FRMPD4: variants seen among roughly 807,000 people sequenced by gnomAD.
The protein encoded by FRMPD4 is FERM and PDZ domain containing 4.
A neutral mutation model predicts 94.1 loss-of-function variants in FRMPD4; 22 were observed. That is an observed-to-expected ratio of 0.23 (90% CI 0.17 to 0.33). The LOEUF (loss-of-function observed/expected upper bound fraction) is 0.33, where lower values mean the gene tolerates loss of function less well. Among genes scored for constraint, FRMPD4 ranks in the 10% least tolerant of loss-of-function variants. The pLI is 1.00. For missense variants in FRMPD4, 1,111 were observed against 1,339.9 expected (o/e 0.83, Z 2.67); for synonymous variants, 631 against 548.6 (o/e 1.15, Z -2.10).
chrX:12,276,373 CATCA>C (rs1297538869), intron 1 of FRMPD4, among the ~76,000 whole-genome samples: 1 of 112,164 alleles, frequency 8.9e-6, no homozygotes, highest in African/African-American at 3.2e-5. Flanking sequence ...AAACATAAGG[CATCA>C]ATCAATACAT....
intron 1 of FRMPD4, among the ~76,000 whole-genome samples, chrX:12,148,874 G>A (rs2055807760): frequency 8.9e-6 from 1 of 112,063 alleles, no homozygotes; most frequent in Non-Finnish European, 1.9e-5. Flanking sequence ...ACAAAGCCTG[G>A]ATGACAGTAC....
chrX:11,899,044 G>C (rs190467150), intron 3 of FRMPD4, among the ~76,000 whole-genome samples: 3 of 112,494 alleles, frequency 2.7e-5, no homozygotes, highest in Non-Finnish European at 3.8e-5. Flanking sequence ...TAAAAACTAC[G>C]AAATGGCTTT....
intron 14 of FRMPD4, among the ~76,000 whole-genome samples, chrX:12,714,665 C>G (rs1444980428): frequency 9.0e-6 from 1 of 111,283 alleles, no homozygotes; most frequent in East Asian, 2.8e-4. Context: ...CTGGGCCTCC[C>G]TTTACAGAAA....
intron 1 of FRMPD4, among the ~76,000 whole-genome samples, chrX:11,861,548 T>C (rs763006471): frequency 8.9e-6 from 1 of 112,104 alleles, no homozygotes; most frequent in Admixed American, 9.4e-5. Flanking sequence ...CACTAATTTA[T>C]CCATTTGCCT....
intron 2 of FRMPD4, among the ~76,000 whole-genome samples, chrX:12,509,083 T>C (rs1486699694): frequency 2.0e-5 from 2 of 99,097 alleles, no homozygotes; most frequent in Non-Finnish European, 4.1e-5. Context: ...AACCAAAAAA[T>C]AGTAGATATT....
intron 3 of FRMPD4, among the ~76,000 whole-genome samples, chrX:11,903,614 A>C (rs1371254531): frequency 8.9e-6 from 1 of 112,527 alleles, no homozygotes; most frequent in Non-Finnish European, 1.9e-5. Flanking sequence ...TCAGAAACCC[A>C]ATATTCGAAT....
Position 12,614,703 on chromosome X carries a change from A to G in FRMPD4, c.320-76A>G. The G allele has an allele frequency of 5.5e-6, 3 of 550,135 alleles. No homozygotes were observed. The South Asian group carries it at 8.8e-5, about 16-fold the overall frequency. The allele number at this position is 550,135 out of a possible 1,213,427, so 45.3% of individuals were successfully genotyped here. The stretch of plus-strand genomic sequence containing the variant: ...TGATAGCACCATTTGCTCACAGTGA[A>G]TCATGATCAGGAGAGGAGGCTTGGG... On this transcript the variant is annotated intron_variant, in intron 3 of 16. Transcript: ENST00000675598.
chrX:12,048,727 A>G (rs1384687700), intron 3 of FRMPD4, among the ~76,000 whole-genome samples: 4 of 111,694 alleles, frequency 3.6e-5, no homozygotes, highest in Non-Finnish European at 7.5e-5. Context: ...TGCCAGCACT[A>G]TTTACTGAAT....
intron 4 of FRMPD4, among the ~76,000 whole-genome samples, chrX:12,624,854 T>C (rs752421333): frequency 1.8e-5 from 2 of 110,876 alleles, no homozygotes; most frequent in African/African-American, 6.6e-5. Flanking sequence ...AGACAACTCA[T>C]AGGATGGGAG....
intron 1 of FRMPD4, among the ~76,000 whole-genome samples, chrX:12,172,228 C>T (rs1433023092): frequency 9.3e-6 from 1 of 107,265 alleles, no homozygotes; most frequent in Non-Finnish European, 1.9e-5. Flanking sequence ...AGCCTGAAGC[C>T]ATGATTTTTA....
chrX:12,204,532 C>T (rs1302948823), intron 1 of FRMPD4, among the ~76,000 whole-genome samples: 1 of 111,521 alleles, frequency 9.0e-6, no homozygotes, highest in Admixed American at 9.5e-5. Context: ...GCTGCATGCC[C>T]TCCCTTTTAA....
chrX:12,233,348 G>A (rs1248240881), intron 1 of FRMPD4, among the ~76,000 whole-genome samples: 1 of 111,519 alleles, frequency 9.0e-6, no homozygotes, highest in Non-Finnish European at 1.9e-5. Flanking sequence ...CAATATTGGG[G>A]ACATACTTAT....
chrX:12,009,754 G>A (rs2054572152), intron 3 of FRMPD4, among the ~76,000 whole-genome samples: 1 of 111,906 alleles, frequency 8.9e-6, no homozygotes, highest in African/African-American at 3.2e-5. Context: ...AACAGAGAAG[G>A]GAGAATCAGT....
At chrX:12,015,429 A>G (rs972916169) in intron 3 of FRMPD4, among the ~76,000 whole-genome samples, 3 of 111,522 alleles carry the variant, frequency 2.7e-5, no homozygotes, top group African/African-American at 9.8e-5. Flanking sequence ...GCCTCATTGG[A>G]TGCTTTCATA....
At chrX:12,238,211 G>A (rs2057091934) in intron 1 of FRMPD4, among the ~76,000 whole-genome samples, 1 of 111,584 alleles carries the variant, frequency 9.0e-6, no homozygotes, top group Non-Finnish European at 1.9e-5. Flanking sequence ...CACAACCTCC[G>A]CTTCCCGGGT....
chrX:12,207,179 A>G (rs1601697548), intron 1 of FRMPD4, among the ~76,000 whole-genome samples: 1 of 111,853 alleles, frequency 8.9e-6, no homozygotes, highest in Admixed American at 9.5e-5. Flanking sequence ...GGATTGCCAA[A>G]ACCTATAATG....
chrX:12,425,931 G>A (rs768891010), intron 1 of FRMPD4, among the ~76,000 whole-genome samples: 5 of 111,495 alleles, frequency 4.5e-5, no homozygotes, highest in African/African-American at 9.8e-5. Flanking sequence ...AATACTCTTC[G>A]GCAATGCAGT....
intron 1 of FRMPD4, among the ~76,000 whole-genome samples, chrX:12,188,613 T>C (rs752708315): frequency 8.0e-5 from 9 of 111,910 alleles, no homozygotes; most frequent in African/African-American, 2.9e-4. Context: ...GAAACCTAGA[T>C]TTAAAATATA....
chrX:12,176,673 CAATT>C (rs776750942), intron 1 of FRMPD4, among the ~76,000 whole-genome samples: 108 of 112,216 alleles, frequency 9.6e-4, no homozygotes, highest in African/African-American at 3.2e-3. Context: ...ATATTCTAAA[CAATT>C]AATGTGTTAT....
Sources: allele counts gnomAD v4.1 joint callset (sites outside exome capture counted in the v4.1 genomes callset), GRCh38; gene constraint gnomAD v4.1.1; transcripts MANE v1.5; gene names NCBI Gene and HGNC (gene_info 2026-07-23, HGNC 2026-07-21).